The following TANC2 variants were observed in gnomAD, a reference collection of about 807,000 sequenced individuals.
TANC2 encodes tetratricopeptide repeat, ankyrin repeat and coiled-coil containing 2.
Under a neutral mutation model 210.5 loss-of-function variants are expected in TANC2, and 26 were observed. The observed-to-expected ratio is 0.12, with a 90% CI of 0.09 to 0.17. TANC2 has a LOEUF of 0.17. Ranked by LOEUF, TANC2 falls within the 10% of genes least tolerant of loss-of-function variation. The probability of loss-of-function intolerance (pLI) is 1.00; values close to 1 mark genes in which losing one functional copy is unlikely to be tolerated. For synonymous variants in TANC2, 931 were observed against 967.1 expected, an observed-to-expected ratio of 0.96 and a Z score of 0.69; for missense variants, 2,129 against 2,608.9, an observed-to-expected ratio of 0.82 and a Z score of 4.01.
chr17:63,015,815 G>C (rs192367079), intron 2 of TANC2, among the ~76,000 whole-genome samples: 14 of 151,616 alleles, frequency 9.2e-5, no homozygotes, highest in African/African-American at 3.4e-4. Flanking sequence ...TTTTCTAAAA[G>C]TTCATATATA....
intron 8 of TANC2, among the ~76,000 whole-genome samples, chr17:63,240,050 A>C (rs912494679): frequency 1.3e-5 from 2 of 152,228 alleles, no homozygotes; most frequent in Non-Finnish European, 2.9e-5. Flanking sequence ...ACAATTCAGC[A>C]TGAGATTTGG....
At chr17:63,242,615 G>A (rs1013373898) in intron 8 of TANC2, among the ~76,000 whole-genome samples, 1 of 152,074 alleles carries the variant, frequency 6.6e-6, no homozygotes, top group African/African-American at 2.4e-5. Context: ...ATATATGTAA[G>A]AGAGATATGA....
intron 10 of TANC2, 118 bp from the exon 11 acceptor site, chr17:63,318,839 C>T (rs1249107034): frequency 1.7e-6 from 2 of 1,200,726 alleles, no homozygotes; most frequent in Non-Finnish European, 2.4e-6. Context: ...GTTTTTATTT[C>T]TCTTAAGTAT....
chr17:63,076,475 T>C (rs1448587435), intron 3 of TANC2, among the ~76,000 whole-genome samples: 1 of 152,144 alleles, frequency 6.6e-6, no homozygotes, highest in African/African-American at 2.4e-5. Flanking sequence ...AATTTAGTCA[T>C]CAGAGATTCC....
At chr17:63,355,469 G>GTGTT in intron 14 of TANC2, 79 bp downstream of exon 14, 2 of 1,391,506 alleles carry the variant, frequency 1.4e-6, no homozygotes, top group Non-Finnish European at 1.9e-6. Context: ...GAAAGTAGAA[G>GTGTT]TGTTCTTCAT....
intron 1 of TANC2, among the ~76,000 whole-genome samples, chr17:62,980,171 T>C (rs923199517): frequency 1.3e-5 from 2 of 152,178 alleles, no homozygotes; most frequent in African/African-American, 4.8e-5. Context: ...GAAACTGAGC[T>C]CTCTTCCTGA....
intron 7 of TANC2, among the ~76,000 whole-genome samples, chr17:63,202,691 C>T (rs2041575303): frequency 6.6e-6 from 1 of 152,042 alleles, no homozygotes; most frequent in South Asian, 2.1e-4. Flanking sequence ...GCCCCAGGTG[C>T]AGAGAGCTGA....
intron 9 of TANC2, among the ~76,000 whole-genome samples, chr17:63,295,349 G>T (rs929016881): frequency 1.5e-4 from 23 of 152,160 alleles, no homozygotes; most frequent in Non-Finnish European, 1.9e-4. Context: ...AAAATATGAT[G>T]AGGCATTATG....
chr17:63,082,096 G>A (rs866221152), intron 3 of TANC2, among the ~76,000 whole-genome samples: 29 of 152,258 alleles, frequency 1.9e-4, no homozygotes, highest in Middle Eastern at 3.4e-3. Context: ...GCATGAACCC[G>A]GGAGGCGGAG....
intron 9 of TANC2, among the ~76,000 whole-genome samples, chr17:63,272,295 A>G (rs959175961): frequency 1.9e-4 from 29 of 151,896 alleles, no homozygotes; most frequent in African/African-American, 4.6e-4. Context: ...CTGGTTCTCT[A>G]TTATGTTCGG....
chr17:63,285,374 T>C (rs1009848926), intron 9 of TANC2, among the ~76,000 whole-genome samples: 1 of 152,172 alleles, frequency 6.6e-6, no homozygotes, highest in African/African-American at 2.4e-5. Context: ...GCTGTACTCT[T>C]TGTTATTGTT....
rs539142512 is a variant in TANC2, at chr17:63,283,448, C to T, written c.1159+15575C>T. 8.0e-5 allele frequency among the ~76,000 whole-genome samples: 12 copies of T among 150,656 alleles called. No individual in the cohort carries two copies. The East Asian group carries it at 1.4e-3, about 17-fold the overall frequency. On this transcript the variant is annotated intron_variant, in intron 9 of 27. Coordinates refer to ENST00000689528, the Ensembl canonical transcript of TANC2. ...AGCTATTCTAGATTCTTTGCATTTC[C>T]GTGTGAAGCCTTATAAATTTCTACA...
intron 7 of TANC2, among the ~76,000 whole-genome samples, chr17:63,213,168 T>C (rs2041934191): frequency 6.6e-6 from 1 of 152,208 alleles, no homozygotes; most frequent in Non-Finnish European, 1.5e-5. Context: ...GTTTGGAGCC[T>C]ACCGTATGTG....
intron 2 of TANC2, among the ~76,000 whole-genome samples, chr17:63,043,062 C>CA (rs2035250806): frequency 6.6e-6 from 1 of 151,958 alleles, no homozygotes; most frequent in Admixed American, 6.6e-5. Context: ...TAACCTATTT[C>CA]AATTGATTTT....
chr17:63,234,864 G>A (rs2042577187), intron 7 of TANC2, among the ~76,000 whole-genome samples: 1 of 152,122 alleles, frequency 6.6e-6, no homozygotes, highest in South Asian at 2.1e-4. Flanking sequence ...TTCCTCATCT[G>A]CATAATGAAG....
chr17:63,183,989 C>T (rs1477284452), intron 5 of TANC2, among the ~76,000 whole-genome samples: 4 of 151,408 alleles, frequency 2.6e-5, no homozygotes, highest in Admixed American at 2.6e-4. Context: ...TGCACTCCAA[C>T]CTGGGCGACA....
intron 2 of TANC2, among the ~76,000 whole-genome samples, chr17:63,014,703 G>A (rs2034027501): frequency 6.6e-6 from 1 of 152,106 alleles, no homozygotes; most frequent in Non-Finnish European, 1.5e-5. Context: ...TACTGTGTTA[G>A]TAGAAATTAT....
intron 8 of TANC2, among the ~76,000 whole-genome samples, chr17:63,245,010 C>T (rs1255203739): frequency 6.6e-6 from 1 of 152,128 alleles, no homozygotes; most frequent in Non-Finnish European, 1.5e-5. Flanking sequence ...GTAAATTACC[C>T]AGTCTAGGGT....
In TANC2 at chr17:63,111,801, C is replaced by T. The variant is rs2038057871; in HGVS notation, c.322+12444C>T. On this transcript the variant is annotated intron_variant, in intron 4 of 27. Coordinates refer to ENST00000689528, the Ensembl canonical transcript of TANC2. The stretch of plus-strand genomic sequence containing the variant: ...AGTGCAGTGGCACAATCTCAGCTCA[C>T]TGCAACCTCCGCCTCCCAGGTTCAA... 2.0e-5 allele frequency among the ~76,000 whole-genome samples: 3 copies of T among 152,192 alleles called. 1 individual carries two copies. Among genetic ancestry groups the T allele is most frequent in the Non-Finnish European group, 4.4e-5 (3 of 68,040 alleles).
Sources: gnomAD v4.1 joint callset for allele counts (sites outside exome capture counted in the v4.1 genomes callset) on GRCh38, gnomAD v4.1.1 for gene constraint, MANE v1.5 for transcripts, NCBI Gene and HGNC (gene_info 2026-07-23, HGNC 2026-07-21) for gene names.